BEND3: variants seen among roughly 807,000 people sequenced by gnomAD.
The protein encoded by BEND3 is BEN domain containing 3.
A neutral mutation model predicts 60.1 loss-of-function variants in BEND3; 13 were observed. That is an observed-to-expected ratio of 0.22 (90% confidence interval 0.14 to 0.34). The LOEUF (loss-of-function observed/expected upper bound fraction) is 0.34, where lower values mean the gene tolerates loss of function less well. Ranked by LOEUF, BEND3 falls within the 10% of genes least tolerant of loss-of-function variation. The probability of loss-of-function intolerance (pLI) is 1.00; values close to 1 mark genes in which losing one functional copy is unlikely to be tolerated. For synonymous variants in BEND3, 497 were observed against 491.5 expected, an observed-to-expected ratio of 1.01 and a Z score of -0.15; for missense variants, 896 against 1,138.1, an observed-to-expected ratio of 0.79 and a Z score of 3.06.
chr6:107,093,400 G>T (rs1178510817), intron 3 of BEND3, among the ~76,000 whole-genome samples: 2 of 151,936 alleles, frequency 1.3e-5, no homozygotes, highest in Non-Finnish European at 2.9e-5. Flanking sequence ...GGCGGAGCTT[G>T]CAGTGAGCCA....
intron 1 of BEND3, among the ~76,000 whole-genome samples, chr6:107,104,919 C>A (rs1324746393): frequency 6.6e-6 from 1 of 152,218 alleles, no homozygotes; most frequent in Admixed American, 6.5e-5. Context: ...CCCACCTCGA[C>A]CTCCCAAAGT....
intron 1 of BEND3, among the ~76,000 whole-genome samples, chr6:107,107,902 C>G (rs906736413): frequency 6.6e-6 from 1 of 152,200 alleles, no homozygotes; most frequent in Non-Finnish European, 1.5e-5. Context: ...AAAATGCTCT[C>G]CCTGAGGACA....
intron 3 of BEND3, among the ~76,000 whole-genome samples, chr6:107,074,428 T>A (rs1775057185): frequency 6.6e-6 from 1 of 152,208 alleles, no homozygotes; most frequent in Non-Finnish European, 1.5e-5. Flanking sequence ...AATAAATACA[T>A]AAAAATTTAT....
intron 1 of BEND3, among the ~76,000 whole-genome samples, chr6:107,104,873 C>T (rs1288216028): frequency 1.3e-5 from 2 of 151,910 alleles, no homozygotes; most frequent in African/African-American, 4.8e-5. Context: ...CTACGTTGCC[C>T]AAGCTGGTCT....
chr6:107,069,901 T>A lies in BEND3; in HGVS notation c.1290A>T (p.Glu430Asp). The A allele has an allele frequency of 6.2e-7, 1 of 1,613,790 alleles. No homozygotes were observed. Among genetic ancestry groups the A allele is most frequent in the African/African-American group, 1.3e-5 (1 of 74,988 alleles). Residue 430 changes from glutamate to aspartate, a missense_variant, in exon 4 of 4, where the codon GAA becomes GAT. By Grantham distance (45) the Glu-to-Asp change is conservative. This residue lies in a region of BEND3 where 846 missense variants were observed against 1,036.7 expected (regional missense o/e 0.82). Coordinates refer to ENST00000369042, the MANE Select transcript of BEND3 (RefSeq NM_001367314.1). ...CACCGTCCCCGTAGCAGCTGTACTG[T>A]TCACCCAGCTTGCGGTGGTCGAAGA... Reference protein sequence around the residue: ...PELFDHRKLGEQYSCYGDGGK... With the variant: ...PELFDHRKLGDQYSCYGDGGK...
intron 3 of BEND3, among the ~76,000 whole-genome samples, chr6:107,085,193 G>T (rs1775317910): frequency 2.6e-5 from 4 of 152,148 alleles, no homozygotes; most frequent in African/African-American, 9.7e-5. Context: ...GAACCCACCG[G>T]AAGGAACTCC....
intron 3 of BEND3, among the ~76,000 whole-genome samples, chr6:107,082,115 C>T (rs1775247257): frequency 6.6e-6 from 1 of 152,166 alleles, no homozygotes; most frequent in African/African-American, 2.4e-5. Context: ...TTTCCACTTT[C>T]GGGTGTAGTT....
chr6:107,110,232 T>C (rs192382825), intron 1 of BEND3, among the ~76,000 whole-genome samples: 2 of 152,226 alleles, frequency 1.3e-5, no homozygotes, highest in Admixed American at 1.3e-4. Context: ...TCTAAAACAA[T>C]AGTTTGTAAA....
At chr6:107,096,350 G>A (rs370561364) in intron 3 of BEND3, among the ~76,000 whole-genome samples, 131 of 152,268 alleles carry the variant, frequency 8.6e-4, no homozygotes, top group African/African-American at 2.9e-3. Flanking sequence ...AGTGACTCAC[G>A]CCTGTAATCC....
chr6:107,109,303 G>C (rs1554238014), intron 1 of BEND3, among the ~76,000 whole-genome samples: 2 of 151,406 alleles, frequency 1.3e-5, no homozygotes, highest in Non-Finnish European at 2.9e-5. Context: ...AATTAGCTGG[G>C]TATGGTGGCA....
chr6:107,098,268 C>G (rs1303987883), intron 3 of BEND3, among the ~76,000 whole-genome samples: 1 of 152,246 alleles, frequency 6.6e-6, no homozygotes, highest in African/African-American at 2.4e-5. Context: ...TCCTCACTAT[C>G]AGCAAGCTCC....
chr6:107,071,830 T>A (rs1367586362), intron 3 of BEND3, among the ~76,000 whole-genome samples: 3 of 152,182 alleles, frequency 2.0e-5, no homozygotes, highest in Non-Finnish European at 4.4e-5. Flanking sequence ...TTGCCTATAG[T>A]GACAGAATGC....
In BEND3 at chr6:107,115,156, G is replaced by A. The variant is rs1331107372; in HGVS notation, c.-78C>T. The A allele has an allele frequency of 3.3e-5, 5 of 150,124 alleles. No individual in the cohort carries two copies. The South Asian group carries it at 7.8e-4, about 23-fold the overall frequency. 9.3% of individuals were successfully genotyped at this position (150,124 alleles called of 1,614,324 possible). A position where few individuals can be genotyped will look rare whatever the true frequency, so the allele number is the denominator to read the frequency against. ...GAGTTTGGGCGCCACGTGGGGGGGA[G>A]GGCGCGGGGCCGGGGAGTGGGGGCC... On this transcript the variant is annotated 5_prime_UTR_variant, in exon 1 of 4. Transcript: ENST00000369042.
At chr6:107,091,684 C>G (rs1286138559) in intron 3 of BEND3, among the ~76,000 whole-genome samples, 1 of 152,112 alleles carries the variant, frequency 6.6e-6, no homozygotes, top group Non-Finnish European at 1.5e-5. Flanking sequence ...ACACAAAGTA[C>G]CAGGCCCAAA....
chr6:107,103,174 A>G (rs781200), intron 1 of BEND3, among the ~76,000 whole-genome samples: 113,974 of 152,100 alleles, frequency 0.75, 43,246 homozygotes, highest in Middle Eastern at 0.85. Context: ...TCTACAAGAG[A>G]GATGTGTAGG....
At chr6:107,078,727 C>T (rs1376036789) in intron 3 of BEND3, among the ~76,000 whole-genome samples, 1 of 151,182 alleles carries the variant, frequency 6.6e-6, no homozygotes, top group Non-Finnish European at 1.5e-5. Context: ...CAGTGTCACC[C>T]CTCATGACGG....
rs1294412371 is a variant in BEND3 at position 107,065,425 on chromosome 6, CAGGGTCTGCTATTACT to C, written c.*3263_*3278del. 6 of 152,510 alleles carry C rather than the reference CAGGGTCTGCTATTACT, an allele frequency of 3.9e-5. No individual in the cohort carries two copies. Among genetic ancestry groups the C allele is most frequent in the Admixed American group, 2.6e-4 (4 of 15,270 alleles). 9.4% of individuals were successfully genotyped at this position (152,510 alleles called of 1,614,324 possible). A position where few individuals can be genotyped will look rare whatever the true frequency, so the allele number is the denominator to read the frequency against. ...TATTAAGTCTGATATCCACTTTGTG[CAGGGTCTGCTATTACT>C]AGGATGTCAGAAAAACATTAAGGCT... On this transcript the variant is annotated 3_prime_UTR_variant, in exon 4 of 4. Coordinates refer to ENST00000369042, the MANE Select transcript of BEND3 (RefSeq NM_001367314.1).
chr6:107,070,736 A>C lies in BEND3; in HGVS notation c.455T>G (p.Val152Gly), dbSNP rs1200850643. The change falls in exon 4 of 4, where the codon GTG becomes GGG. Residue 152 changes from valine (V) to glycine (G), a missense_variant. Physicochemically the swap from Val to Gly is moderately radical, Grantham distance 109. Transcript: ENST00000369042. This position sits in a 1 kb window ranked among gnomAD's most constrained non-coding sequence, Gnocchi z 6.9. ...GTTTGCCTTCTCAAAGAGCTCGTAC[A>C]CGTTTAGCAGGTCCCCCGAGGGAGG... ...KNPPSGDLLN[V>G]YELFEKANAS... 1 of 1,613,814 alleles carries C rather than the reference A, an allele frequency of 6.2e-7. No homozygotes were observed. Among genetic ancestry groups the C allele is most frequent in the African/African-American group, 1.3e-5 (1 of 74,894 alleles).
At chr6:107,089,206 A>C (rs532532950) in intron 3 of BEND3, among the ~76,000 whole-genome samples, 3 of 152,208 alleles carry the variant, frequency 2.0e-5, no homozygotes, top group African/African-American at 7.2e-5. Flanking sequence ...AAATTGAAGA[A>C]GACACAAAAA....
Sources: allele counts gnomAD v4.1 joint callset (sites outside exome capture counted in the v4.1 genomes callset), GRCh38; gene constraint gnomAD v4.1.1; regional missense constraint gnomAD v4.1.1; non-coding constraint Gnocchi (gnomAD v3.1); transcripts MANE v1.5; gene names NCBI Gene and HGNC (gene_info 2026-07-23, HGNC 2026-07-21).